The following FAM184B variants were observed in gnomAD, a reference collection of about 807,000 sequenced individuals.
The protein encoded by FAM184B is family with sequence similarity 184 member B.
Under a neutral mutation model 135.9 loss-of-function variants are expected in FAM184B, and 111 were observed. That is an observed-to-expected ratio of 0.82 (90% CI 0.70 to 0.96). The LOEUF is 0.96. Ranked by LOEUF, FAM184B falls within the 40% of genes least tolerant of loss-of-function variation. FAM184B has a pLI of 0.00. For missense variants in FAM184B, 1,375 were observed against 1,323.9 expected, an observed-to-expected ratio of 1.04 and a Z score of -0.60; for synonymous variants, 552 against 524.8, an observed-to-expected ratio of 1.05 and a Z score of -0.71.
At chr4:17,635,460 C>G (rs951460758) in intron 15 of FAM184B, among the ~76,000 whole-genome samples, 2 of 152,146 alleles carry the variant, frequency 1.3e-5, no homozygotes, top group African/African-American at 4.8e-5. Context: ...CTTCCTCTGT[C>G]TTGTTTGACA....
intron 5 of FAM184B, among the ~76,000 whole-genome samples, chr4:17,696,581 G>A (rs1427910643): frequency 6.6e-6 from 1 of 152,214 alleles, no homozygotes; most frequent in Admixed American, 6.5e-5. Context: ...GGAGAATGAG[G>A]CAGGAGAATT....
intron 1 of FAM184B, among the ~76,000 whole-genome samples, chr4:17,728,388 TA>T (rs951265697): frequency 5.3e-5 from 8 of 151,610 alleles, no homozygotes; most frequent in African/African-American, 1.5e-4. Flanking sequence ...CCCTGTCTCT[TA>T]AAAAAAAATT....
At chr4:17,668,949 A>G (rs1027905682) in intron 7 of FAM184B, among the ~76,000 whole-genome samples, 1 of 152,246 alleles carries the variant, frequency 6.6e-6, no homozygotes, top group African/African-American at 2.4e-5. Context: ...TTGTACTGTT[A>G]TAGGAGCATT....
chr4:17,681,661 C>A (rs1464911877), intron 7 of FAM184B, among the ~76,000 whole-genome samples: 2 of 152,108 alleles, frequency 1.3e-5, no homozygotes, highest in East Asian at 3.9e-4. Flanking sequence ...TGACTCTTGC[C>A]CAGCAAACCA....
At chr4:17,730,751 A>G (rs927625336) in intron 1 of FAM184B, among the ~76,000 whole-genome samples, 3 of 152,256 alleles carry the variant, frequency 2.0e-5, no homozygotes, top group African/African-American at 4.8e-5. Context: ...GACTTTGACG[A>G]GCTGAGAGAA....
intron 14 of FAM184B, among the ~76,000 whole-genome samples, chr4:17,637,847 G>A (rs1715192185): frequency 6.6e-6 from 1 of 152,140 alleles, no homozygotes; most frequent in African/African-American, 2.4e-5. Flanking sequence ...GCAGTCAGAA[G>A]TGACCCTGTG....
chr4:17,681,034 T>G (rs939883209), intron 7 of FAM184B, among the ~76,000 whole-genome samples: 1 of 152,228 alleles, frequency 6.6e-6, no homozygotes, highest in Non-Finnish European at 1.5e-5. Flanking sequence ...AAAGTCAACT[T>G]ACATTGACAG....
intron 1 of FAM184B, among the ~76,000 whole-genome samples, chr4:17,715,466 AC>A (rs1321699405): frequency 6.6e-6 from 1 of 152,006 alleles, no homozygotes; most frequent in African/African-American, 2.4e-5. Context: ...ATAGAGTGAC[AC>A]TCTATCTCAA....
intron 5 of FAM184B, among the ~76,000 whole-genome samples, chr4:17,694,240 G>A (rs1442193379): frequency 6.6e-6 from 1 of 151,756 alleles, no homozygotes; most frequent in Non-Finnish European, 1.5e-5. Context: ...TTCTCATAGA[G>A]GGGCCAGGCG....
intron 7 of FAM184B, among the ~76,000 whole-genome samples, chr4:17,676,537 CTG>C (rs1716312946): frequency 6.6e-6 from 1 of 152,126 alleles, no homozygotes; most frequent in African/African-American, 2.4e-5. Flanking sequence ...ACTTAATAGA[CTG>C]TAGTATAGTG....
At chr4:17,763,319 A>C (rs1349707222) in intron 1 of FAM184B, among the ~76,000 whole-genome samples, 1 of 152,018 alleles carries the variant, frequency 6.6e-6, no homozygotes. Flanking sequence ...TGACATTAGA[A>C]TCCACCAAAG....
At chr4:17,658,937 C>T (rs999605966) in intron 9 of FAM184B, among the ~76,000 whole-genome samples, 2 of 152,234 alleles carry the variant, frequency 1.3e-5, no homozygotes, top group African/African-American at 4.8e-5. Flanking sequence ...ACTCCACATC[C>T]CCCATCACAG....
chr4:17,655,374 A>G (rs1029868979), intron 10 of FAM184B, among the ~76,000 whole-genome samples: 3 of 152,130 alleles, frequency 2.0e-5, no homozygotes, highest in African/African-American at 4.8e-5. Flanking sequence ...TCAGGTCAGC[A>G]CTGCCCACTC....
At chr4:17,736,674 A>G (rs967580418) in intron 1 of FAM184B, among the ~76,000 whole-genome samples, 1 of 152,160 alleles carries the variant, frequency 6.6e-6, no homozygotes, top group African/African-American at 2.4e-5. Flanking sequence ...ATACAGGGTA[A>G]GTACCTTGTG....
intron 1 of FAM184B, among the ~76,000 whole-genome samples, chr4:17,765,882 G>A (rs1282963785): frequency 6.6e-6 from 1 of 152,156 alleles, no homozygotes; most frequent in African/African-American, 2.4e-5. Flanking sequence ...CCTGGTTTCA[G>A]AAGTGAAGCT....
intron 5 of FAM184B, 51 bp from the exon 6 acceptor site, chr4:17,693,463 T>C: frequency 1.4e-6 from 2 of 1,410,662 alleles, no homozygotes; most frequent in Non-Finnish European, 9.8e-7. Context: ...AACAGGACAC[T>C]TAATGTTTTC....
chr4:17,762,479 G>A (rs1265421072), intron 1 of FAM184B, among the ~76,000 whole-genome samples: 1 of 152,150 alleles, frequency 6.6e-6, no homozygotes, highest in Non-Finnish European at 1.5e-5. Flanking sequence ...TTCAGATCCG[G>A]CTTCATTAGG....
At chr4:17,687,676 G>A (rs2108955832) in intron 7 of FAM184B, among the ~76,000 whole-genome samples, 1 of 152,314 alleles carries the variant, frequency 6.6e-6, no homozygotes, top group East Asian at 1.9e-4. Flanking sequence ...AGGGGAAAGA[G>A]GCCGTGTGAT....
At chr4:17,747,962 C>T (rs1276309332) in intron 1 of FAM184B, among the ~76,000 whole-genome samples, 3 of 135,194 alleles carry the variant, frequency 2.2e-5, no homozygotes, top group African/African-American at 8.3e-5. Context: ...AAAAATTAGC[C>T]AGGCATGGTG....
Sources: gnomAD v4.1 joint callset for allele counts (sites outside exome capture counted in the v4.1 genomes callset) on GRCh38, gnomAD v4.1.1 for gene constraint, MANE v1.5 for transcripts, NCBI Gene and HGNC (gene_info 2026-07-23, HGNC 2026-07-21) for gene names.